FOCAD: variants seen among roughly 807,000 people sequenced by gnomAD.
FOCAD encodes the protein focadhesin, also known as KIAA1797.
FOCAD carries 198 observed loss-of-function variants against 225.6 expected under a neutral mutation model. The ratio of observed to expected loss-of-function variants is 0.88; its 90% CI spans 0.78 to 0.99. The LOEUF is 0.99. Among genes scored for constraint, FOCAD ranks in the 50% least tolerant of loss-of-function variants. The pLI is 0.00. For missense variants in FOCAD, 2,713 were observed against 2,123.6 expected (o/e 1.28, Z -5.46); for synonymous variants, 897 against 755.0 (o/e 1.19, Z -3.08).
chr9:20,677,306 T>G (rs1822263500), intron 2 of FOCAD, among the ~76,000 whole-genome samples: 1 of 152,200 alleles, frequency 6.6e-6, no homozygotes, highest in African/African-American at 2.4e-5. Flanking sequence ...TTGACCTTGT[T>G]CTGAGCAATG....
At chr9:20,705,935 T>G (rs201949825) in intron 1 of FOCAD, among the ~76,000 whole-genome samples, 20 of 143,710 alleles carry the variant, frequency 1.4e-4, no homozygotes, top group African/African-American at 3.4e-4. Flanking sequence ...TTTTTTTTTT[T>G]TTTTTTTTTT....
chr9:20,692,435 G>T (rs1363221370), intron 1 of FOCAD, among the ~76,000 whole-genome samples: 1 of 152,122 alleles, frequency 6.6e-6, no homozygotes, highest in East Asian at 1.9e-4. Flanking sequence ...CGTTGTTTAT[G>T]TCCGGATCTT....
At chr9:20,747,933 C>T (rs1828198916) in intron 5 of FOCAD, among the ~76,000 whole-genome samples, 1 of 150,674 alleles carries the variant, frequency 6.6e-6, no homozygotes, top group African/African-American at 2.4e-5. Context: ...TTCATATCTA[C>T]ATACATTTCA....
At chr9:20,801,549 G>T (rs1159393541) in intron 11 of FOCAD, among the ~76,000 whole-genome samples, 1 of 152,124 alleles carries the variant, frequency 6.6e-6, no homozygotes, top group African/African-American at 2.4e-5. Flanking sequence ...AATGCATAGG[G>T]AAGAGAGGCT....
chr9:20,951,879 T>A (rs898419575), intron 34 of FOCAD, among the ~76,000 whole-genome samples: 5 of 152,206 alleles, frequency 3.3e-5, no homozygotes, highest in African/African-American at 1.2e-4. Context: ...CAATGATTCC[T>A]TATTAAAACT....
In FOCAD at chr9:20,874,770, C is replaced by G. The variant is rs767471700; in HGVS notation, c.2280C>G (p.Leu760=). 2 of 1,613,570 alleles carry G rather than the reference C, an allele frequency of 1.2e-6. No homozygotes were observed. The highest frequency in any genetic ancestry group is 1.3e-5 in the African/African-American group (1 of 74,890). ...TTTCAGTTCCTGGCTCTTGCTATCT[C>G]AAACTGTTGTCACTCACTCCCCCTT... ...VDLSVPGSCY[L]KLLSLTPPLV... Residue 760 remains leucine, a synonymous_variant, in exon 19 of 44, where the codon CTC becomes CTG. Coordinates refer to ENST00000338382, the MANE Select transcript of FOCAD (RefSeq NM_001375567.1).
chr9:20,859,160 A>T (rs1344556264), intron 15 of FOCAD, among the ~76,000 whole-genome samples: 1 of 152,100 alleles, frequency 6.6e-6, no homozygotes, highest in African/African-American at 2.4e-5. Context: ...GGGTCACCTG[A>T]GGTCAGGAGT....
intron 5 of FOCAD, among the ~76,000 whole-genome samples, chr9:20,750,310 A>G (rs1031460346): frequency 6.6e-6 from 1 of 152,206 alleles, no homozygotes; most frequent in Admixed American, 6.6e-5. Context: ...AAGAAGACAC[A>G]TACCCAGCTT....
At chr9:20,676,916 G>A (rs1219171716) in intron 2 of FOCAD, among the ~76,000 whole-genome samples, 1 of 151,896 alleles carries the variant, frequency 6.6e-6, no homozygotes, top group Non-Finnish European at 1.5e-5. Flanking sequence ...ACCACAAAAG[G>A]CCCTGAATAG....
chr9:20,962,799 A>G (rs1838874133), intron 35 of FOCAD, among the ~76,000 whole-genome samples: 1 of 152,210 alleles, frequency 6.6e-6, no homozygotes, highest in Non-Finnish European at 1.5e-5. Flanking sequence ...TTTAACAAGT[A>G]CTGTTAGGCC....
intron 11 of FOCAD, among the ~76,000 whole-genome samples, chr9:20,791,194 A>G (rs1820489293): frequency 1.3e-5 from 2 of 150,368 alleles, no homozygotes; most frequent in East Asian, 2.0e-4. Context: ...CAGAAAACAT[A>G]TATTGCATCT....
At chr9:20,906,171 G>A (rs1432291523) in intron 21 of FOCAD, among the ~76,000 whole-genome samples, 1 of 151,836 alleles carries the variant, frequency 6.6e-6, no homozygotes, top group African/African-American at 2.4e-5. Context: ...AGAGGCCATG[G>A]GAACCAACTA....
intron 7 of FOCAD, among the ~76,000 whole-genome samples, chr9:20,769,254 G>T (rs1056775756): frequency 1.3e-5 from 2 of 152,048 alleles, no homozygotes; most frequent in Non-Finnish European, 2.9e-5. Context: ...GGGTTATTAT[G>T]GTGATAACCA....
intron 37 of FOCAD, among the ~76,000 whole-genome samples, chr9:20,980,308 G>C (rs1048722606): frequency 1.3e-5 from 2 of 152,116 alleles, no homozygotes; most frequent in Non-Finnish European, 2.9e-5. Context: ...TAATAAAAGA[G>C]AGAGCTCTAT....
intron 1 of FOCAD, among the ~76,000 whole-genome samples, chr9:20,687,752 G>C (rs1383726416): frequency 1.3e-5 from 2 of 152,130 alleles, no homozygotes; most frequent in African/African-American, 2.4e-5. Flanking sequence ...TTTGGTGCTA[G>C]GTCCTTAACT....
chr9:20,667,239 A>T (rs891440524), intron 2 of FOCAD, among the ~76,000 whole-genome samples: 1 of 152,380 alleles, frequency 6.6e-6, no homozygotes, highest in Admixed American at 6.5e-5. Context: ...TCAATTAAAA[A>T]TTAAAATTTT....
chr9:20,903,510 A>G (rs1278312258), intron 21 of FOCAD, among the ~76,000 whole-genome samples: 1 of 151,862 alleles, frequency 6.6e-6, no homozygotes, highest in Non-Finnish European at 1.5e-5. Context: ...CTTTTTCTCA[A>G]AAGCTTATAA....
At chr9:20,986,030 G>T (rs1420481691) in intron 39 of FOCAD, among the ~76,000 whole-genome samples, 1 of 151,942 alleles carries the variant, frequency 6.6e-6, no homozygotes, top group Non-Finnish European at 1.5e-5. Context: ...TATTGTTTGT[G>T]TATATTTACT....
Position 20,819,786 on chromosome 9 carries a change from T to C in FOCAD, c.1456-10T>C. 1.4e-6 allele frequency: 2 copies of C among 1,476,924 alleles called. No homozygotes were observed. Among genetic ancestry groups the C allele is most frequent in the Non-Finnish European group, 1.8e-6 (2 of 1,105,340 alleles). 91.5% of individuals were successfully genotyped at this position (1,476,924 alleles called of 1,614,324 possible). A position where few individuals can be genotyped will look rare whatever the true frequency, so the allele number is the denominator to read the frequency against. ...AGGCATATTTAATATATTTTAAAAA[T>C]TCATTTTAGGTGCCAAATCTGATTC... On this transcript the variant is annotated splice_polypyrimidine_tract_variant and intron_variant, in intron 11 of 43. Coordinates refer to ENST00000338382, the MANE Select transcript of FOCAD (RefSeq NM_001375567.1).
Sources: allele counts gnomAD v4.1 joint callset (sites outside exome capture counted in the v4.1 genomes callset), GRCh38; gene constraint gnomAD v4.1.1; transcripts MANE v1.5; gene names NCBI Gene and HGNC (gene_info 2026-07-23, HGNC 2026-07-21).